The following FMO5 variants were observed in gnomAD, a reference collection of about 807,000 sequenced individuals.
FMO5 encodes the protein flavin-containing monooxygenase 5.
In FMO5, 51 loss-of-function variants were observed where a neutral mutation model predicts 43.6. The observed-to-expected ratio is 1.17, with a 90% CI of 0.93 to 1.48. The LOEUF (loss-of-function observed/expected upper bound fraction) is 1.48. Ranked by LOEUF, FMO5 falls within the 40% of genes most tolerant of loss-of-function variation. FMO5 has a pLI of 0.00. For synonymous variants in FMO5, 187 were observed against 216.5 expected (o/e 0.86, Z 1.20); for missense variants, 644 against 643.0 (o/e 1.00, Z -0.02).
downstream of FMO5, among the ~76,000 whole-genome samples, chr1:147,185,883 C>T (rs1024408166): frequency 6.6e-6 from 1 of 152,156 alleles, no homozygotes; most frequent in Admixed American, 6.5e-5. Flanking sequence ...TTCATTTGCT[C>T]TGTTTTTCAG....
intron 5 of FMO5, among the ~76,000 whole-genome samples, chr1:147,211,984 C>T (rs1422011479): frequency 1.3e-5 from 2 of 152,186 alleles, no homozygotes; most frequent in African/African-American, 2.4e-5. Context: ...AATGATCACG[C>T]GTGCTTTCCT....
chr1:147,206,893 C>T (rs1660187124), intron 6 of FMO5, among the ~76,000 whole-genome samples: 1 of 151,888 alleles, frequency 6.6e-6, no homozygotes, highest in Admixed American at 6.6e-5. Context: ...TATAACAAAC[C>T]TGCACGTTGT....
intron 4 of FMO5, 21 bp downstream of exon 4, chr1:147,213,287 C>T (rs782293442): frequency 1.3e-6 from 2 of 1,589,008 alleles, no homozygotes; most frequent in Non-Finnish European, 1.7e-6. Context: ...CAAGGGTCTT[C>T]CTTCCTGGTA....
At chr1:147,213,581 G>A in intron 3 of FMO5, 111 bp from the exon 4 acceptor site, 2 of 884,156 alleles carry the variant, frequency 2.3e-6, no homozygotes, top group Non-Finnish European at 3.2e-6. Flanking sequence ...GACCCATGCA[G>A]GGATATTTGA....
rs2101668928 is a variant in FMO5, at chr1:147,186,280, T to G, written c.*620A>C. ...AGAAAGTTGAAAGTAATTTCTTTAT[T>G]GAGAAAATAAAGACATGGTTCCTAA... On this transcript the variant is annotated 3_prime_UTR_variant, in exon 9 of 9. Coordinates refer to ENST00000254090, the MANE Select transcript of FMO5 (RefSeq NM_001461.4). The G allele has an allele frequency of 1.0e-6, 1 of 973,322 alleles. No individual in the cohort carries two copies. The highest frequency in any genetic ancestry group is 1.1e-4 in the East Asian group (1 of 8,756). The allele number at this position is 973,322 out of a possible 1,614,324, so 60.3% of individuals were successfully genotyped here. A position where few individuals can be genotyped will look rare whatever the true frequency, so the allele number is the denominator to read the frequency against.
At chr1:147,191,631 G>T (rs1436002771) in intron 7 of FMO5, among the ~76,000 whole-genome samples, 3 of 151,074 alleles carry the variant, frequency 2.0e-5, no homozygotes, top group Non-Finnish European at 4.4e-5. Flanking sequence ...CCATTTTCTT[G>T]GTTGCCTGTT....
Position 147,212,948 on chromosome 1 carries a change from T to C in FMO5, c.487+360A>G, listed in dbSNP as rs587624420. On this transcript the variant is annotated intron_variant, in intron 4 of 8. Transcript: ENST00000254090. ...TGAAAATCCAGGCCAAAGACTGAAA[T>C]TCTTCAAGCTTTCATTCCTTCCTTA... Among the ~76,000 whole-genome samples the C allele has an allele frequency of 2.0e-5, 3 of 152,230 alleles. No homozygotes were observed. The South Asian group carries it at 6.2e-4, about 32-fold the overall frequency.
rs1553917127 is a variant in FMO5, at chr1:147,186,820, TGA to T, written c.*78_*79del. On this transcript the variant is annotated 3_prime_UTR_variant, in exon 9 of 9. Transcript: ENST00000254090. ...AGTAGATTTCTGGGCAATATGAAAC[TGA>T]GAGTCAATCTCGTCAGATTCTGAAG... is the stretch of plus-strand genomic sequence containing the variant. 78 of 1,520,612 alleles carry T rather than the reference TGA, an allele frequency of 5.1e-5. No homozygotes were observed. The highest frequency in any genetic ancestry group is 6.7e-5 in the Non-Finnish European group (76 of 1,138,760). 94.2% of individuals were successfully genotyped at this position (1,520,612 alleles called of 1,614,324 possible). A position where few individuals can be genotyped will look rare whatever the true frequency, so the allele number is the denominator to read the frequency against.
intron 2 of FMO5, 37 bp downstream of exon 2, chr1:147,224,858 G>A (rs1663744798): frequency 1.3e-6 from 2 of 1,595,576 alleles, no homozygotes; most frequent in African/African-American, 2.7e-5. Context: ...GTTGCAGGGA[G>A]GGTTTCAAGT....
Position 147,212,406 on chromosome 1 carries a change from T to C in FMO5, c.617A>G (p.Gln206Arg), listed in dbSNP as rs782176597. Residue 206 changes from glutamine (Q) to arginine (R), a missense_variant, in exon 5 of 9, where the codon CAA (glutamine) becomes CGA (arginine). By Grantham distance (43) the Gln-to-Arg change is conservative. Coordinates refer to ENST00000254090, the MANE Select transcript of FMO5 (RefSeq NM_001461.4). ...AGTGATTCAAACCTGCTTGGCTGTT[T>C]GGCTAATCTCTACAGCCAGATCCCC... ...SGGDLAVEIS[Q>R]TAKQVFLSTR... The C allele has an allele frequency of 6.2e-6, 10 of 1,613,940 alleles. No homozygotes were observed. The highest frequency in any genetic ancestry group is 4.0e-5 in the African/African-American group (3 of 74,940).
intron 6 of FMO5, among the ~76,000 whole-genome samples, chr1:147,202,776 G>T (rs782718346): frequency 6.6e-6 from 1 of 152,106 alleles, no homozygotes; most frequent in Non-Finnish European, 1.5e-5. Context: ...CCAACCTCAT[G>T]ATTTCATCTT....
downstream of FMO5, among the ~76,000 whole-genome samples, chr1:147,185,117 G>A (rs1655506196): frequency 6.6e-6 from 1 of 151,796 alleles, no homozygotes; most frequent in Non-Finnish European, 1.5e-5. Flanking sequence ...GTTGTTTTGA[G>A]TTCAATTTCT....
At chr1:147,219,840 C>T (rs1662679851) in intron 2 of FMO5, among the ~76,000 whole-genome samples, 5 of 132,896 alleles carry the variant, frequency 3.8e-5, no homozygotes, top group South Asian at 2.3e-4. Flanking sequence ...ATGTTAATTG[C>T]TTTTTTTTTT....
intron 6 of FMO5, chr1:147,203,228 A>G: frequency 1.0e-6 from 1 of 997,220 alleles, no homozygotes; most frequent in Non-Finnish European, 1.5e-6. Flanking sequence ...TTCTTAGAAT[A>G]CTACTACAAA....
Sources: gnomAD v4.1 joint callset for allele counts (sites outside exome capture counted in the v4.1 genomes callset) on GRCh38, gnomAD v4.1.1 for gene constraint, MANE v1.5 for transcripts, NCBI Gene and HGNC (gene_info 2026-07-23, HGNC 2026-07-21) for gene names.